The following PDZRN3 variants were observed in gnomAD, a reference collection of about 807,000 sequenced individuals.
The protein encoded by PDZRN3 is PDZ domain containing ring finger 3.
In PDZRN3, 38 loss-of-function variants were observed where a neutral mutation model predicts 85.7. That is an observed-to-expected ratio of 0.44 (90% CI 0.34 to 0.58). The LOEUF is 0.58. Ranked by LOEUF, PDZRN3 falls within the 20% of genes least tolerant of loss-of-function variation. PDZRN3 has a pLI of 0.01. For synonymous variants in PDZRN3, 759 were observed against 638.0 expected, an observed-to-expected ratio of 1.19 and a Z score of -2.86; for missense variants, 1,629 against 1,506.4, an observed-to-expected ratio of 1.08 and a Z score of -1.35.
chr3:73,588,110 G>T (rs1322983612), intron 3 of PDZRN3, among the ~76,000 whole-genome samples: 1 of 152,072 alleles, frequency 6.6e-6, no homozygotes, highest in Non-Finnish European at 1.5e-5. Context: ...AACAGGCCCT[G>T]GTGTGTGCTG....
At chr3:73,615,980 G>A (rs1229712600) in intron 1 of PDZRN3, among the ~76,000 whole-genome samples, 2 of 152,206 alleles carry the variant, frequency 1.3e-5, no homozygotes, top group African/African-American at 4.8e-5. Context: ...GGGTTATGGG[G>A]GTGGACACCT....
intron 3 of PDZRN3, among the ~76,000 whole-genome samples, chr3:73,600,916 A>G (rs1702507269): frequency 6.6e-6 from 1 of 152,324 alleles, no homozygotes; most frequent in Non-Finnish European, 1.5e-5. Flanking sequence ...AAGTACAAAG[A>G]CTGACTCTAA....
intron 3 of PDZRN3, among the ~76,000 whole-genome samples, chr3:73,417,157 C>G (rs1702108800): frequency 6.6e-6 from 1 of 152,056 alleles, no homozygotes; most frequent in Non-Finnish European, 1.5e-5. Flanking sequence ...GCCACCACAC[C>G]TGGATGATTT....
chr3:73,541,780 T>G (rs1310637762), intron 3 of PDZRN3, among the ~76,000 whole-genome samples: 3 of 152,188 alleles, frequency 2.0e-5, no homozygotes, highest in African/African-American at 7.2e-5. Context: ...CATCTAGTAT[T>G]TTACACTGTG....
At chr3:73,540,648 A>G (rs548744809) in intron 3 of PDZRN3, among the ~76,000 whole-genome samples, 1 of 152,284 alleles carries the variant, frequency 6.6e-6, no homozygotes, top group African/African-American at 2.4e-5. Flanking sequence ...TCCTGCTATC[A>G]TGTGAAGAAT....
intron 3 of PDZRN3, among the ~76,000 whole-genome samples, chr3:73,545,275 A>G (rs1244379405): frequency 6.6e-6 from 1 of 152,190 alleles, no homozygotes; most frequent in Non-Finnish European, 1.5e-5. Flanking sequence ...TCCATAGGTG[A>G]TAATAACAGC....
At chr3:73,602,766 T>A (rs1267216603) in intron 2 of PDZRN3, among the ~76,000 whole-genome samples, 1 of 152,224 alleles carries the variant, frequency 6.6e-6, no homozygotes, top group African/African-American at 2.4e-5. Flanking sequence ...CACATCATAT[T>A]CCTAAATATG....
At chr3:73,492,055 C>T (rs1309743099) in intron 3 of PDZRN3, among the ~76,000 whole-genome samples, 1 of 152,148 alleles carries the variant, frequency 6.6e-6, no homozygotes, top group East Asian at 1.9e-4. Flanking sequence ...CTGAAAAGAA[C>T]ACTCTTAAAA....
chr3:73,494,187 G>GTT (rs1703827559), intron 3 of PDZRN3, among the ~76,000 whole-genome samples: 1 of 152,206 alleles, frequency 6.6e-6, no homozygotes, highest in Admixed American at 6.5e-5. Context: ...GACCACCACT[G>GTT]TAACAAGTTA....
At chr3:73,572,750 G>A (rs1026419909) in intron 3 of PDZRN3, among the ~76,000 whole-genome samples, 4 of 152,110 alleles carry the variant, frequency 2.6e-5, no homozygotes, top group African/African-American at 7.2e-5. Context: ...TGAGGCAGAG[G>A]GAGTAGCTTT....
At chr3:73,527,119 G>GT (rs1452955893) in intron 3 of PDZRN3, among the ~76,000 whole-genome samples, 4 of 152,148 alleles carry the variant, frequency 2.6e-5, no homozygotes, top group Admixed American at 1.3e-4. Context: ...GATTACAGGC[G>GT]TGAGTCACTG....
At chr3:73,510,919 C>G (rs1055209865) in intron 3 of PDZRN3, among the ~76,000 whole-genome samples, 13 of 152,288 alleles carry the variant, frequency 8.5e-5, no homozygotes, top group African/African-American at 2.9e-4. Context: ...CTATACTCAT[C>G]TATTTTCAGA....
rs1397081373 is a variant in PDZRN3 at position 73,610,819 on chromosome 3, AAAG to A, written c.724-2138_724-2136del. Among the ~76,000 whole-genome samples the A allele has an allele frequency of 1.1e-4, 17 of 152,346 alleles. 1 individual carries two copies. Among genetic ancestry groups the A allele is most frequent in the South Asian group, 8.3e-4 (4 of 4,822 alleles). ...TGTGATAACCACTTATTCAAGAAAA[AAAG>A]AAGAAGAAAATAATCTTATTACATT... is the stretch of plus-strand genomic sequence containing the variant. On this transcript the variant is annotated intron_variant, in intron 1 of 9. Coordinates refer to ENST00000263666, the MANE Select transcript of PDZRN3 (RefSeq NM_015009.3).
chr3:73,454,892 AT>A (rs879863163), intron 3 of PDZRN3, among the ~76,000 whole-genome samples: 3,086 of 145,150 alleles, frequency 0.021, 87 homozygotes, highest in African/African-American at 0.065. Flanking sequence ...AAGTTTCTTC[AT>A]TTTTTTTTTT....
intron 1 of PDZRN3, among the ~76,000 whole-genome samples, chr3:73,616,040 T>C (rs1702757054): frequency 6.6e-6 from 1 of 152,210 alleles, no homozygotes; most frequent in South Asian, 2.1e-4. Flanking sequence ...GAGAGTGAGC[T>C]CTGCTCTATT....
At chr3:73,573,142 G>A (rs1161265427) in intron 3 of PDZRN3, among the ~76,000 whole-genome samples, 1 of 152,196 alleles carries the variant, frequency 6.6e-6, no homozygotes, top group Non-Finnish European at 1.5e-5. Flanking sequence ...AGGTCCTACA[G>A]TGACCCTCTC....
chr3:73,615,570 C>T (rs779633199), intron 1 of PDZRN3, among the ~76,000 whole-genome samples: 8 of 152,168 alleles, frequency 5.3e-5, no homozygotes, highest in Non-Finnish European at 1.0e-4. Flanking sequence ...GAAACCCTCA[C>T]CCTTTCTACT....
chr3:73,607,257 T>C (rs188388251), intron 2 of PDZRN3, among the ~76,000 whole-genome samples: 68 of 152,378 alleles, frequency 4.5e-4, no homozygotes, highest in African/African-American at 1.5e-3. Flanking sequence ...TTATTTAAAA[T>C]ACTCCCTTTT....
chr3:73,436,658 A>G (rs975111649), intron 3 of PDZRN3, among the ~76,000 whole-genome samples: 2 of 152,180 alleles, frequency 1.3e-5, no homozygotes, highest in Non-Finnish European at 2.9e-5. Flanking sequence ...CCCAATCTCA[A>G]TAACAAGCTG....
Sources: gnomAD v4.1 joint callset for allele counts (sites outside exome capture counted in the v4.1 genomes callset) on GRCh38, gnomAD v4.1.1 for gene constraint, MANE v1.5 for transcripts, NCBI Gene and HGNC (gene_info 2026-07-23, HGNC 2026-07-21) for gene names.